The following B4GALNT3 variants were observed in gnomAD, a reference collection of about 807,000 sequenced individuals.
The protein encoded by B4GALNT3 is beta-1,4-N-acetylgalactosaminyltransferase 3.
In B4GALNT3, 86 loss-of-function variants were observed where a neutral mutation model predicts 120.2. That is an observed-to-expected ratio of 0.72 (90% CI 0.60 to 0.86). B4GALNT3 has a LOEUF of 0.86. B4GALNT3 is among the 40% of genes least tolerant of loss of function. The pLI is 0.00. For synonymous variants in B4GALNT3, 518 were observed against 510.4 expected (o/e 1.01, Z -0.20); for missense variants, 1,167 against 1,298.9 (o/e 0.90, Z 1.56).
At chr12:487,385 C>T (rs1364693505) in intron 1 of B4GALNT3, among the ~76,000 whole-genome samples, 1 of 152,100 alleles carries the variant, frequency 6.6e-6, no homozygotes, top group Non-Finnish European at 1.5e-5. Flanking sequence ...AATACCTAGC[C>T]AGACCATATT....
intron 1 of B4GALNT3, among the ~76,000 whole-genome samples, chr12:487,967 C>A (rs1414648507): frequency 6.6e-6 from 1 of 151,910 alleles, no homozygotes; most frequent in Non-Finnish European, 1.5e-5. Flanking sequence ...AAACAAAAAA[C>A]CCAAAACTTG....
At chr12:485,140 G>A (rs933720858) in intron 1 of B4GALNT3, among the ~76,000 whole-genome samples, 2 of 152,156 alleles carry the variant, frequency 1.3e-5, no homozygotes, top group African/African-American at 4.8e-5. Flanking sequence ...TTGAACTGGG[G>A]TGTATGATGC....
At chr12:509,868 A>G (rs572219853) in intron 1 of B4GALNT3, among the ~76,000 whole-genome samples, 2 of 152,284 alleles carry the variant, frequency 1.3e-5, no homozygotes, top group East Asian at 3.9e-4. Flanking sequence ...TGGGAGCAAG[A>G]AAGAGAGGAG....
At chr12:556,248 G>C (rs1947155098) in intron 14 of B4GALNT3, among the ~76,000 whole-genome samples, 1 of 152,102 alleles carries the variant, frequency 6.6e-6, no homozygotes, top group Non-Finnish European at 1.5e-5. Context: ...TTTATTGAGG[G>C]TCAGTTTCTC....
intron 1 of B4GALNT3, among the ~76,000 whole-genome samples, chr12:500,010 C>T (rs879332405): frequency 6.6e-5 from 10 of 152,210 alleles, no homozygotes; most frequent in Non-Finnish European, 1.0e-4. Context: ...CTTGCCGAGG[C>T]TTGCTGGCCA....
At chr12:556,485 C>T in intron 14 of B4GALNT3, 62 bp from the exon 15 acceptor site, 1 of 1,490,208 alleles carries the variant, frequency 6.7e-7, no homozygotes. Flanking sequence ...GCTTCTCACA[C>T]ACCGTGCTAC....
intron 1 of B4GALNT3, among the ~76,000 whole-genome samples, chr12:521,727 G>A (rs111859120): frequency 4.6e-5 from 7 of 152,286 alleles, no homozygotes; most frequent in Non-Finnish European, 7.4e-5. Flanking sequence ...TGATGTTGCC[G>A]CAGCGTCCGA....
chr12:545,707 A>AGTGGGG (rs1946989937), intron 6 of B4GALNT3, among the ~76,000 whole-genome samples: 19 of 100,070 alleles, frequency 1.9e-4, no homozygotes, highest in Non-Finnish European at 1.4e-4. Flanking sequence ...AGGAGTGAGG[A>AGTGGGG]ATGGGGAGGA....
intron 5 of B4GALNT3, 111 bp from the exon 6 acceptor site, chr12:545,258 C>T: frequency 6.7e-7 from 1 of 1,484,364 alleles, no homozygotes; most frequent in African/African-American, 1.4e-5. Flanking sequence ...AGAGGGAAGC[C>T]ACAGCATCAA....
In B4GALNT3 at chr12:562,458, G is replaced by A. The variant is rs1392692615; in HGVS notation, c.*1007G>A. On this transcript the variant is annotated 3_prime_UTR_variant, in exon 20 of 20. Transcript: ENST00000266383. The surrounding 1 kb of genome is among the most constrained non-coding windows in gnomAD (Gnocchi z 5.2). Reference sequence around the variant, plus strand: ...CTGCAGACCTGCCCTTCTGCAGGGAGAGCCCTGGCCACCCGGCCTTGAGTG... The same window carrying A: ...CTGCAGACCTGCCCTTCTGCAGGGAAAGCCCTGGCCACCCGGCCTTGAGTG... The A allele has an allele frequency of 6.6e-6, 1 of 152,408 alleles. No homozygotes were observed. Among genetic ancestry groups the A allele is most frequent in the African/African-American group, 2.4e-5 (1 of 41,464 alleles). The allele number at this position is 152,408 out of a possible 1,614,324, so 9.4% of individuals were successfully genotyped here. A position where few individuals can be genotyped will look rare whatever the true frequency, so the allele number is the denominator to read the frequency against.
At chr12:544,570 C>T (rs1946967699) in intron 4 of B4GALNT3, 136 bp downstream of exon 4, 2 of 791,082 alleles carry the variant, frequency 2.5e-6, no homozygotes, top group South Asian at 1.7e-5. Context: ...TTTGTCTGCC[C>T]ATAATAGTTC....
intron 1 of B4GALNT3, among the ~76,000 whole-genome samples, chr12:514,203 T>G (rs982393978): frequency 1.3e-5 from 2 of 150,614 alleles, no homozygotes; most frequent in Non-Finnish European, 3.0e-5. Context: ...TTTTTGTTTT[T>G]TTTTTTTTTT....
chr12:501,245 C>T lies in B4GALNT3; in HGVS notation c.170-33921C>T, dbSNP rs143086752. Among the ~76,000 whole-genome samples the T allele has an allele frequency of 5.2e-3, 798 of 152,242 alleles. 22 individuals carry two copies. The highest frequency in any genetic ancestry group is 0.04 in the Admixed American group (617 of 15,268). On this transcript the variant is annotated intron_variant, in intron 1 of 19. Coordinates refer to ENST00000266383, the MANE Select transcript of B4GALNT3 (RefSeq NM_173593.4). ...TGTCTCTCAGCTTATTTCCTTCTTC[C>T]ATAAAAGAGGGTCTTTCCTCCATAA...
At chr12:554,725 G>A (rs1231250862) in intron 14 of B4GALNT3, among the ~76,000 whole-genome samples, 1 of 134,806 alleles carries the variant, frequency 7.4e-6, no homozygotes, top group Non-Finnish European at 1.5e-5. Context: ...GGGAGGCGGA[G>A]CTTGCAGTGA....
At chr12:476,604 C>G (rs1946188281) in intron 1 of B4GALNT3, among the ~76,000 whole-genome samples, 1 of 152,168 alleles carries the variant, frequency 6.6e-6, no homozygotes, top group Admixed American at 6.5e-5. Flanking sequence ...GAGCAAGGCC[C>G]TGCCTCATAA....
chr12:529,729 G>A (rs1226394988), intron 1 of B4GALNT3, among the ~76,000 whole-genome samples: 2 of 150,568 alleles, frequency 1.3e-5, no homozygotes, highest in Non-Finnish European at 3.0e-5. Context: ...CTACTTAGGA[G>A]CAAAAGCAAT....
At chr12:485,297 A>G (rs1031682501) in intron 1 of B4GALNT3, among the ~76,000 whole-genome samples, 5 of 152,222 alleles carry the variant, frequency 3.3e-5, no homozygotes, top group Non-Finnish European at 7.3e-5. Context: ...CTTACAGTCC[A>G]AGGGCAGCAA....
chr12:549,563 G>A (rs565863784), intron 9 of B4GALNT3, among the ~76,000 whole-genome samples: 6 of 152,382 alleles, frequency 3.9e-5, no homozygotes, highest in East Asian at 3.9e-4. Flanking sequence ...TGGGTCAGCC[G>A]TGGGGCTGGC....
At chr12:560,969 C>CA (rs1433797355) in intron 19 of B4GALNT3, among the ~76,000 whole-genome samples, 1 of 152,254 alleles carries the variant, frequency 6.6e-6, no homozygotes, top group African/African-American at 2.4e-5. Context: ...ATGGGGCACT[C>CA]AGAGTGTGCC....
Sources: gnomAD v4.1 joint callset for allele counts (sites outside exome capture counted in the v4.1 genomes callset) on GRCh38, gnomAD v4.1.1 for gene constraint, Gnocchi (gnomAD v3.1) non-coding constraint, MANE v1.5 for transcripts, NCBI Gene and HGNC (gene_info 2026-07-23, HGNC 2026-07-21) for gene names.